Variants in SLC71A1 observed in about 807,000 individuals in gnomAD.
The protein encoded by SLC71A1 is hippocampus abundant gene transcript 1.
At chr1:100,046,409 A>C in the SLC71A1 span, among the ~76,000 whole-genome samples, 3 of 151,806 alleles carry the variant, frequency 2.0e-5, no homozygotes, top group Non-Finnish European at 2.9e-5. Context: ...TATTTTTAGT[A>C]GAGACGGGGT....
chr1:100,052,876 C>T, the SLC71A1 span, among the ~76,000 whole-genome samples: 5 of 151,794 alleles, frequency 3.3e-5, no homozygotes, highest in Admixed American at 6.6e-5. Flanking sequence ...CTCCACCTCC[C>T]AGGTTCAAGC....
chr1:100,062,143 A>C, the SLC71A1 span: 2 of 467,644 alleles, frequency 4.3e-6, no homozygotes, highest in Non-Finnish European at 7.5e-6. Context: ...GATTCTTTTC[A>C]TTTAGTAGAT....
chr1:100,040,877 G>C, the SLC71A1 span, among the ~76,000 whole-genome samples: 2 of 152,158 alleles, frequency 1.3e-5, no homozygotes, highest in African/African-American at 4.8e-5. Flanking sequence ...CAGAGTTTCA[G>C]AGTTTTTATA....
chr1:100,062,206 G>A, the SLC71A1 span: 16 of 297,680 alleles, frequency 5.4e-5, no homozygotes, highest in African/African-American at 2.2e-4. Flanking sequence ...ACCTTGTAGA[G>A]TTCTTTTTAA....
the SLC71A1 span, chr1:100,080,220 T>C: frequency 1.5e-4 from 36 of 247,478 alleles, 2 homozygotes; most frequent in East Asian, 2.7e-3. Flanking sequence ...TTTTGAAGGC[T>C]GTAATCTAGG....
the SLC71A1 span, chr1:100,038,219 T>G: frequency 6.4e-7 from 1 of 1,552,074 alleles, no homozygotes; most frequent in Non-Finnish European, 8.7e-7. Context: ...GCGCCAGGAA[T>G]CGAGGATGGT....
At chr1:100,043,658 C>T in the SLC71A1 span, among the ~76,000 whole-genome samples, 2 of 152,148 alleles carry the variant, frequency 1.3e-5, no homozygotes, top group Non-Finnish European at 2.9e-5. Flanking sequence ...GATTTTAGTG[C>T]ACCTGTCACC....
the SLC71A1 span, chr1:100,061,687 A>G: frequency 3.2e-6 from 2 of 621,092 alleles, no homozygotes; most frequent in African/African-American, 3.8e-5. Context: ...TCTGTGGCTT[A>G]TATTTATGGA....
At chr1:100,055,741 GGTTTT>G in the SLC71A1 span, among the ~76,000 whole-genome samples, 1 of 151,778 alleles carries the variant, frequency 6.6e-6, no homozygotes, top group Admixed American at 6.6e-5. Flanking sequence ...TCCAATTTTA[GGTTTT>G]GTTTTGTTTT....
the SLC71A1 span, chr1:100,078,488 A>G: frequency 3.1e-6 from 5 of 1,613,696 alleles, no homozygotes; most frequent in South Asian, 2.2e-5. Flanking sequence ...AGCCATGTCT[A>G]GCATCACCTT....
chr1:100,046,900 A>G, the SLC71A1 span, among the ~76,000 whole-genome samples: 6 of 152,204 alleles, frequency 3.9e-5, no homozygotes, highest in African/African-American at 1.2e-4. Flanking sequence ...TAGAAATGGT[A>G]CTGATTTTTG....
the SLC71A1 span, chr1:100,043,273 A>C: frequency 1.4e-6 from 1 of 731,892 alleles, no homozygotes; most frequent in Non-Finnish European, 1.7e-6. Context: ...TTTCAATTAT[A>C]AGGAACTCTG....
the SLC71A1 span, chr1:100,080,417 T>C: frequency 8.8e-7 from 1 of 1,131,012 alleles, no homozygotes; most frequent in Non-Finnish European, 1.3e-6. Context: ...GATTAAGTGA[T>C]TTCATATTTG....
the SLC71A1 span, among the ~76,000 whole-genome samples, chr1:100,038,795 G>C: frequency 6.6e-6 from 1 of 152,228 alleles, no homozygotes; most frequent in Non-Finnish European, 1.5e-5. Flanking sequence ...ATCCCGCTGC[G>C]GCCCCGTAGT....
chr1:100,081,528 A>G, the SLC71A1 span, among the ~76,000 whole-genome samples: 1 of 152,066 alleles, frequency 6.6e-6, no homozygotes, highest in Non-Finnish European at 1.5e-5. Context: ...ATATGCCACC[A>G]TGACCGGCTA....
At chr1:100,077,161 TCAG>T in the SLC71A1 span, 1 of 1,253,024 alleles carries the variant, frequency 8.0e-7, no homozygotes, top group Non-Finnish European at 1.1e-6. Context: ...TTTTTTTTTT[TCAG>T]ACCATAGTCT....
chr1:100,068,103 A>G, the SLC71A1 span: 1 of 1,614,134 alleles, frequency 6.2e-7, no homozygotes, highest in Non-Finnish European at 8.5e-7. Flanking sequence ...TATTTGTTTT[A>G]TCCTTGTTGC....
chr1:100,073,019 C>T, the SLC71A1 span, among the ~76,000 whole-genome samples: 7 of 152,202 alleles, frequency 4.6e-5, no homozygotes, highest in South Asian at 2.1e-4. Context: ...ATCCCTTGCC[C>T]GCCACCCCTA....
the SLC71A1 span, among the ~76,000 whole-genome samples, chr1:100,062,860 G>C: frequency 6.9e-6 from 1 of 145,838 alleles, no homozygotes; most frequent in Non-Finnish European, 1.5e-5. Flanking sequence ...CGGATCACTT[G>C]AGATCAGGAG....
Sources: allele counts gnomAD v4.1 joint callset (sites outside exome capture counted in the v4.1 genomes callset), GRCh38; gene constraint gnomAD v4.1.1; transcripts MANE v1.5; gene names NCBI Gene and HGNC (gene_info 2026-07-23, HGNC 2026-07-21).